Variants in SYNE2 observed in about 807,000 individuals in gnomAD.
The protein encoded by SYNE2 is nesprin-2.
Under a neutral mutation model 856.3 loss-of-function variants are expected in SYNE2, and 431 were observed. That is an observed-to-expected ratio of 0.50 (90% confidence interval 0.47 to 0.55). The LOEUF is 0.55. Among genes scored for constraint, SYNE2 ranks in the 20% least tolerant of loss-of-function variants. The pLI is 0.00. For synonymous variants in SYNE2, 2,923 were observed against 2,872.3 expected (o/e 1.02, Z -0.56); for missense variants, 8,129 against 8,023.2 (o/e 1.01, Z -0.50).
intron 34 of SYNE2, 41 bp downstream of exon 34, chr14:64,017,797 A>G (rs528738331): frequency 1.9e-6 from 3 of 1,599,006 alleles, no homozygotes; most frequent in South Asian, 1.1e-5. Context: ...TTGGTACACA[A>G]TTGACATTTT....
chr14:63,816,715 A>C (rs907032658), intron 1 of SYNE2, among the ~76,000 whole-genome samples: 2 of 151,850 alleles, frequency 1.3e-5, no homozygotes, highest in Non-Finnish European at 2.9e-5. Context: ...TTTTAATTTT[A>C]ATTTTAATTT....
chr14:63,884,033 A>G (rs2094926031), intron 1 of SYNE2, among the ~76,000 whole-genome samples: 1 of 152,182 alleles, frequency 6.6e-6, no homozygotes, highest in African/African-American at 2.4e-5. Context: ...GGTGTGGCCC[A>G]GGAGATGAAG....
At chr14:64,107,094 ATTC>A (rs1267595488) in intron 64 of SYNE2, among the ~76,000 whole-genome samples, 1 of 152,176 alleles carries the variant, frequency 6.6e-6, no homozygotes, top group Non-Finnish European at 1.5e-5. Flanking sequence ...AGCACAAGCA[ATTC>A]TTCTGCCTTG....
intron 34 of SYNE2, among the ~76,000 whole-genome samples, chr14:64,018,616 C>G (rs1275311787): frequency 6.6e-6 from 1 of 152,204 alleles, no homozygotes; most frequent in Non-Finnish European, 1.5e-5. Context: ...CACAACTGTT[C>G]AACCCTGCTG....
chr14:64,017,328 CAAAAAAAAAA>C (rs34399201), intron 33 of SYNE2, among the ~76,000 whole-genome samples: 2 of 66,580 alleles, frequency 3.0e-5, no homozygotes, highest in African/African-American at 6.0e-5. Flanking sequence ...GACTCCATCT[CAAAAAAAAAA>C]AAAAAAAAAA....
intron 98 of SYNE2, 40 bp downstream of exon 98, chr14:64,188,748 A>G (rs2098503652): frequency 1.2e-6 from 2 of 1,610,138 alleles, no homozygotes; most frequent in East Asian, 2.2e-5. Context: ...TATGACTACC[A>G]TGGAATTGTC....
At chr14:64,106,963 T>C (rs548446529) in intron 64 of SYNE2, among the ~76,000 whole-genome samples, 79 of 152,308 alleles carry the variant, frequency 5.2e-4, no homozygotes, top group African/African-American at 1.9e-3. Flanking sequence ...TGTTCCTAAA[T>C]GGAATAAATT....
chr14:64,159,001 A>G (rs2098307885), intron 86 of SYNE2, among the ~76,000 whole-genome samples: 1 of 152,152 alleles, frequency 6.6e-6, no homozygotes, highest in Non-Finnish European at 1.5e-5. Flanking sequence ...TTGAATTTTG[A>G]GTTGAAAATG....
intron 1 of SYNE2, among the ~76,000 whole-genome samples, chr14:63,854,698 G>T (rs958013001): frequency 5.3e-5 from 8 of 152,198 alleles, no homozygotes; most frequent in African/African-American, 1.4e-4. Context: ...TGGTCAGCTA[G>T]CCTTAAAATT....
chr14:63,762,826 A>G (rs1886539636), intron 1 of SYNE2, among the ~76,000 whole-genome samples: 1 of 151,814 alleles, frequency 6.6e-6, no homozygotes, highest in Non-Finnish European at 1.5e-5. Context: ...ATGGTTCAGA[A>G]AGAGAGAGAA....
At chr14:64,007,976 C>G (rs1036523507) in intron 31 of SYNE2, among the ~76,000 whole-genome samples, 3 of 152,174 alleles carry the variant, frequency 2.0e-5, no homozygotes, top group African/African-American at 7.2e-5. Flanking sequence ...CACCACCGTA[C>G]TTCAGAGTGA....
chr14:64,085,084 T>C (rs1429310675), intron 57 of SYNE2: 6 of 693,348 alleles, frequency 8.7e-6, no homozygotes, highest in Admixed American at 2.1e-5. Flanking sequence ...TTTTTTTTTT[T>C]CTTTTAGAGA....
intron 1 of SYNE2, among the ~76,000 whole-genome samples, chr14:63,784,361 G>T (rs1160466582): frequency 6.6e-6 from 1 of 151,994 alleles, no homozygotes; most frequent in African/African-American, 2.4e-5. Flanking sequence ...GTTGGGCATG[G>T]TGGTGCACGC....
chr14:63,966,968 C>T (rs970838255), intron 10 of SYNE2, among the ~76,000 whole-genome samples: 5 of 152,032 alleles, frequency 3.3e-5, no homozygotes, highest in South Asian at 2.1e-4. Flanking sequence ...CTGGTTCAAG[C>T]GATTCTCCTG....
intron 77 of SYNE2, among the ~76,000 whole-genome samples, chr14:64,133,029 C>T (rs1289411334): frequency 7.4e-5 from 11 of 148,658 alleles, no homozygotes; most frequent in Non-Finnish European, 1.2e-4. Context: ...AGTGAAACCC[C>T]GTCTCTACTA....
At chr14:63,860,470 A>G (rs946043684) in intron 1 of SYNE2, among the ~76,000 whole-genome samples, 9 of 152,238 alleles carry the variant, frequency 5.9e-5, no homozygotes, top group Non-Finnish European at 1.0e-4. Context: ...GTGAGATGAA[A>G]AGCACTTGCT....
At chr14:64,090,255 T>C (rs2097598636) in intron 59 of SYNE2, among the ~76,000 whole-genome samples, 1 of 152,166 alleles carries the variant, frequency 6.6e-6, no homozygotes, top group South Asian at 2.1e-4. Context: ...GAGCCCAATT[T>C]CCTCACCTGT....
At chr14:64,150,237 A>G (rs564005862) in intron 84 of SYNE2, among the ~76,000 whole-genome samples, 1 of 130,536 alleles carries the variant, frequency 7.7e-6, no homozygotes, top group Admixed American at 8.8e-5. Context: ...CGGAGTTTTC[A>G]GTGAGCCGAG....
intron 102 of SYNE2, 61 bp from the exon 103 acceptor site, chr14:64,209,881 G>C (rs2140151937): frequency 6.2e-7 from 1 of 1,609,654 alleles, no homozygotes; most frequent in South Asian, 1.1e-5. Context: ...GGATGTAGAA[G>C]GGAAGGAGGG....
Sources: allele counts gnomAD v4.1 joint callset (sites outside exome capture counted in the v4.1 genomes callset), GRCh38; gene constraint gnomAD v4.1.1; transcripts MANE v1.5; gene names NCBI Gene and HGNC (gene_info 2026-07-23, HGNC 2026-07-21).